Variants in TLN2 observed in about 807,000 individuals in gnomAD.
The protein encoded by TLN2 is talin-2.
Under a neutral mutation model 294.7 loss-of-function variants are expected in TLN2, and 118 were observed. The ratio of observed to expected loss-of-function variants is 0.40; its 90% CI spans 0.34 to 0.47. The LOEUF (loss-of-function observed/expected upper bound fraction) is 0.47, where lower values mean the gene tolerates loss of function less well. TLN2 is among the 20% of genes least tolerant of loss of function. The pLI is 0.84. For missense variants in TLN2, 3,083 were observed against 3,282.2 expected (o/e 0.94, Z 1.48); for synonymous variants, 1,431 against 1,304.5 (o/e 1.10, Z -2.09).
intron 9 of TLN2, among the ~76,000 whole-genome samples, chr15:62,667,673 T>C (rs958733154): frequency 6.6e-5 from 10 of 152,358 alleles, no homozygotes; most frequent in African/African-American, 2.4e-4. Flanking sequence ...AGTGACTTGA[T>C]GGCAGCCCTG....
intron 10 of TLN2, 106 bp downstream of exon 10, chr15:62,673,996 C>G (rs2055820105): frequency 1.4e-6 from 1 of 724,746 alleles, no homozygotes; most frequent in Admixed American, 2.7e-5. Context: ...TGCCTGTACT[C>G]TGATATAATA....
At chr15:62,672,688 C>G (rs2055574309) in intron 9 of TLN2, among the ~76,000 whole-genome samples, 1 of 152,122 alleles carries the variant, frequency 6.6e-6, no homozygotes, top group Non-Finnish European at 1.5e-5. Flanking sequence ...CATTTCCTGC[C>G]TCAGACCAAG....
At chr15:62,824,094 T>C in intron 54 of TLN2, 2 of 436,504 alleles carry the variant, frequency 4.6e-6, no homozygotes, top group Non-Finnish European at 9.5e-6. Context: ...AAGAACACGT[T>C]AAAATCACAA....
At chr15:62,455,719 C>G (rs770580286) in intron 1 of TLN2, among the ~76,000 whole-genome samples, 1 of 152,212 alleles carries the variant, frequency 6.6e-6, no homozygotes, top group Non-Finnish European at 1.5e-5. Context: ...TTATCATCCT[C>G]TAACACCCTC....
intron 33 of TLN2, among the ~76,000 whole-genome samples, chr15:62,749,625 C>T (rs1286995770): frequency 6.6e-6 from 1 of 152,170 alleles, no homozygotes; most frequent in East Asian, 1.9e-4. Flanking sequence ...CCCCCACCAG[C>T]CTTTGTAACT....
At chr15:62,739,701 T>G (rs933770201) in intron 31 of TLN2, among the ~76,000 whole-genome samples, 156 bp downstream of exon 31, 2 of 152,190 alleles carry the variant, frequency 1.3e-5, no homozygotes, top group Non-Finnish European at 2.9e-5. Context: ...CATGCCCTCA[T>G]GGGAATGGCA....
At chr15:62,802,455 G>A (rs1416236408) in intron 50 of TLN2, among the ~76,000 whole-genome samples, 1 of 151,346 alleles carries the variant, frequency 6.6e-6, no homozygotes, top group Admixed American at 6.6e-5. Flanking sequence ...TAATATTGAA[G>A]AGATATCTGC....
intron 1 of TLN2, among the ~76,000 whole-genome samples, chr15:62,398,264 C>CTGCCG (rs1566941516): frequency 1.3e-5 from 2 of 152,172 alleles, no homozygotes; most frequent in Non-Finnish European, 2.9e-5. Context: ...CTTCTCTCTC[C>CTGCCG]TGCCGTCATG....
At chr15:62,640,509 T>TG in intron 3 of TLN2, 1 of 374,280 alleles carries the variant, frequency 2.7e-6, no homozygotes. Flanking sequence ...GAGCCCCCAT[T>TG]GTGCCCCCCT....
intron 50 of TLN2, among the ~76,000 whole-genome samples, chr15:62,801,271 G>A (rs2065910132): frequency 6.6e-6 from 1 of 152,172 alleles, no homozygotes; most frequent in African/African-American, 2.4e-5. Flanking sequence ...CATCTGACCT[G>A]AGAGAAATTG....
chr15:62,552,287 C>T (rs976147988), intron 1 of TLN2, among the ~76,000 whole-genome samples: 1 of 152,202 alleles, frequency 6.6e-6, no homozygotes, highest in Non-Finnish European at 1.5e-5. Context: ...TTTGTTTTGA[C>T]TATTAAATAC....
intron 57 of TLN2, among the ~76,000 whole-genome samples, chr15:62,838,568 T>A (rs779442230): frequency 6.6e-6 from 1 of 152,226 alleles, no homozygotes; most frequent in Non-Finnish European, 1.5e-5. Flanking sequence ...ATTGCTGGGA[T>A]CATTTATTAA....
At chr15:62,566,852 C>G (rs1387592829) in intron 1 of TLN2, among the ~76,000 whole-genome samples, 1 of 151,860 alleles carries the variant, frequency 6.6e-6, no homozygotes, top group Non-Finnish European at 1.5e-5. Flanking sequence ...TGTGCCCAGC[C>G]CACTTTTTTT....
rs928811647 is a variant in TLN2, at chr15:62,744,927, C to G, written c.4026-3424C>G. ...GGTCAATTTCGATTTGCTCTTTCCT[C>G]CTTTCCCAGGCGCCTCTTCCCTGGA... is the stretch of plus-strand genomic sequence containing the variant. On this transcript the variant is annotated intron_variant, in intron 32 of 58. Coordinates refer to ENST00000636159, the MANE Select transcript of TLN2 (RefSeq NM_015059.3). Among the ~76,000 whole-genome samples, 7 of 152,282 alleles carry G rather than the reference C, an allele frequency of 4.6e-5. 1 individual carries two copies. Among genetic ancestry groups the G allele is most frequent in the Admixed American group, 6.5e-5 (1 of 15,302 alleles).
chr15:62,561,244 AAT>A (rs779200565), intron 1 of TLN2: 2 of 152,216 alleles, frequency 1.3e-5, no homozygotes, highest in East Asian at 3.9e-4. Context: ...GTGATATTGT[AAT>A]AAATGGGAAG....
At chr15:62,561,883 CA>C (rs1257321355) in intron 1 of TLN2, among the ~76,000 whole-genome samples, 3 of 152,080 alleles carry the variant, frequency 2.0e-5, no homozygotes, top group African/African-American at 4.8e-5. Context: ...CAGATTTTAA[CA>C]TGCTCTCCTC....
chr15:62,631,574 T>TTCCTTTCCTTTCC (rs1235980071), intron 3 of TLN2, among the ~76,000 whole-genome samples: 1 of 146,540 alleles, frequency 6.8e-6, no homozygotes, highest in African/African-American at 2.5e-5. Flanking sequence ...TTCCTTTCCT[T>TTCCTTTCCTTTCC]TCTTTCTCTC....
At chr15:62,642,659 ACTTT>A (rs1307826618) in intron 3 of TLN2, among the ~76,000 whole-genome samples, 4 of 149,990 alleles carry the variant, frequency 2.7e-5, no homozygotes, top group Non-Finnish European at 4.4e-5. Context: ...TTCTAATCCT[ACTTT>A]CTTTTTGTTG....
At chr15:62,692,972 A>G in intron 13 of TLN2, 31 bp downstream of exon 13, 1 of 1,570,146 alleles carries the variant, frequency 6.4e-7, no homozygotes, top group Non-Finnish European at 8.7e-7. Flanking sequence ...TTGGAAAAGC[A>G]AGACGGCTTT....
Sources: gnomAD v4.1 joint callset for allele counts (sites outside exome capture counted in the v4.1 genomes callset) on GRCh38, gnomAD v4.1.1 for gene constraint, MANE v1.5 for transcripts, NCBI Gene and HGNC (gene_info 2026-07-23, HGNC 2026-07-21) for gene names.